Variants in IPO8 observed in about 807,000 individuals in gnomAD.
The protein encoded by IPO8 is importin 8.
Under a neutral mutation model 141.2 loss-of-function variants are expected in IPO8, and 65 were observed. The ratio of observed to expected loss-of-function variants is 0.46; its 90% CI spans 0.38 to 0.57. IPO8 has a LOEUF of 0.57. IPO8 is among the 20% of genes least tolerant of loss of function. The probability of loss-of-function intolerance (pLI) is 0.00; values close to 1 mark genes in which losing one functional copy is unlikely to be tolerated. For synonymous variants in IPO8, 411 were observed against 420.3 expected (o/e 0.98, Z 0.27); for missense variants, 980 against 1,246.8 (o/e 0.79, Z 3.22).
At chr12:30,631,047 T>C in intron 24 of IPO8, 90 bp from the exon 25 acceptor site, 1 of 856,756 alleles carries the variant, frequency 1.2e-6, no homozygotes, top group Non-Finnish European at 1.9e-6. Context: ...CCAGATTCTT[T>C]ATATGCTTAG....
intron 20 of IPO8, among the ~76,000 whole-genome samples, chr12:30,641,323 G>A (rs780681034): frequency 4.6e-5 from 7 of 152,092 alleles, no homozygotes; most frequent in Middle Eastern, 6.8e-3. Context: ...TTTTTGTTTT[G>A]TTTTTTAATG....
intron 14 of IPO8, among the ~76,000 whole-genome samples, chr12:30,662,811 A>C (rs920333879): frequency 1.3e-5 from 2 of 152,142 alleles, no homozygotes; most frequent in African/African-American, 2.4e-5. Flanking sequence ...AACATGAATC[A>C]GTTCTCATGA....
chr12:30,675,043 A>C (rs998071436), intron 6 of IPO8, among the ~76,000 whole-genome samples: 6 of 152,228 alleles, frequency 3.9e-5, no homozygotes, highest in Admixed American at 3.3e-4. Flanking sequence ...GAGATGATGA[A>C]AGGGTTCTAC....
Position 30,695,073 on chromosome 12 carries a change from CG to C in IPO8, c.84+490del, listed in dbSNP as rs2053324955. The C allele has an allele frequency of 2.2e-6, 1 of 455,090 alleles. No homozygotes were observed. Among genetic ancestry groups the C allele is most frequent in the Non-Finnish European group, 4.4e-6 (1 of 227,032 alleles). 28.2% of individuals were successfully genotyped at this position (455,090 alleles called of 1,614,324 possible). ...GCACTGCCCAGCGCTCCGCAAAACT[CG>C]GCCAATCGGTGTCAAAACAGTCCTG... On this transcript the variant is annotated intron_variant, in intron 1 of 24. Coordinates refer to ENST00000256079, the MANE Select transcript of IPO8 (RefSeq NM_006390.4). This position sits in a 1 kb window ranked among gnomAD's most constrained non-coding sequence, Gnocchi z 4.2.
chr12:30,676,917 C>T (rs1266078693), intron 5 of IPO8: 8 of 1,530,522 alleles, frequency 5.2e-6, no homozygotes, highest in Non-Finnish European at 7.0e-6. Context: ...TCAAACTTTC[C>T]ATTTTAACCA....
chr12:30,666,146 T>C (rs770428939), intron 11 of IPO8, 29 bp downstream of exon 11: 2 of 1,398,488 alleles, frequency 1.4e-6, no homozygotes, highest in Non-Finnish European at 2.0e-6. Flanking sequence ...CACCTTTCAG[T>C]TTTGGATTTA....
intron 13 of IPO8, among the ~76,000 whole-genome samples, chr12:30,663,918 A>T (rs2052924176): frequency 6.6e-6 from 1 of 152,218 alleles, no homozygotes; most frequent in Non-Finnish European, 1.5e-5. Flanking sequence ...ACAAAAATCT[A>T]TTTACGCTTT....
chr12:30,662,339 C>T lies in IPO8; in HGVS notation c.1743G>A (p.Met581Ile). The T allele has an allele frequency of 6.2e-7, 1 of 1,613,248 alleles. No individual in the cohort carries two copies. The highest frequency in any genetic ancestry group is 1.3e-5 in the African/African-American group (1 of 75,028). The change falls in exon 15 of 25, where the codon ATG (methionine) becomes ATA (isoleucine). Residue 581 changes from methionine (M) to isoleucine (I), a missense_variant. By Grantham distance (10) the Met-to-Ile change is conservative (BLOSUM62 1). Coordinates refer to ENST00000256079, the MANE Select transcript of IPO8 (RefSeq NM_006390.4). ...SQEVASIAVDMTQHLAEIFGK... is the reference protein window; with the variant it reads ...SQEVASIAVDITQHLAEIFGK... ...TGCCCGGTCTTACCAAGTGTTGGGT[C>T]ATATCAACAGCAATTGAGGCTACCT...
At chr12:30,633,813 T>C (rs2052465564) in intron 23 of IPO8, among the ~76,000 whole-genome samples, 1 of 152,220 alleles carries the variant, frequency 6.6e-6, no homozygotes, top group African/African-American at 2.4e-5. Context: ...TATACACAGA[T>C]ACTCCACATA....
chr12:30,667,861 A>G (rs1302771289), intron 10 of IPO8, among the ~76,000 whole-genome samples: 5 of 152,200 alleles, frequency 3.3e-5, no homozygotes, highest in Non-Finnish European at 7.3e-5. Context: ...ACAAAAACAC[A>G]TAGGTATTAT....
At chr12:30,662,561 A>T in intron 14 of IPO8, 74 bp from the exon 15 acceptor site, 2 of 1,164,474 alleles carry the variant, frequency 1.7e-6, no homozygotes, top group Non-Finnish European at 2.5e-6. Flanking sequence ...CTTGGTCACA[A>T]GGTCAAGTGA....
intron 16 of IPO8, 65 bp from the exon 17 acceptor site, chr12:30,656,815 G>T: frequency 1.3e-6 from 1 of 763,252 alleles, no homozygotes; most frequent in Non-Finnish European, 2.0e-6. Context: ...TTAATATTGT[G>T]CCAATAAAAA....
intron 16 of IPO8, among the ~76,000 whole-genome samples, chr12:30,656,987 A>G (rs943460931): frequency 1.3e-5 from 2 of 152,158 alleles, no homozygotes; most frequent in African/African-American, 4.8e-5. Flanking sequence ...ATTTTATACC[A>G]AAATAAATTC....
chr12:30,665,511 C>T lies in IPO8; in HGVS notation c.1339-202G>A, dbSNP rs562727986. Among the ~76,000 whole-genome samples the T allele has an allele frequency of 2.5e-4, 38 of 152,262 alleles. No homozygotes were observed. The South Asian group carries it at 7.5e-3, about 30-fold the overall frequency. On this transcript the variant is annotated intron_variant, in intron 12 of 24. Coordinates refer to ENST00000256079, the MANE Select transcript of IPO8 (RefSeq NM_006390.4). ...TGATTGATTTTGTAGACATAAGATA[C>T]TTTGTATCCCTTTCACATATCAATA...
chr12:30,650,348 T>C lies in IPO8; in HGVS notation c.2173-1116A>G, dbSNP rs112112015. 6.2e-3 allele frequency among the ~76,000 whole-genome samples: 949 copies of C among 152,148 alleles called. 10 individuals carry two copies. Among genetic ancestry groups the C allele is most frequent in the African/African-American group, 0.022 (917 of 41,540 alleles). On this transcript the variant is annotated intron_variant, in intron 19 of 24. Coordinates refer to ENST00000256079, the MANE Select transcript of IPO8 (RefSeq NM_006390.4). ...CAGAGAAATTTTAAAGATGTACATA[T>C]ACAAAGACAGAAAAAAGTAGAGAGA...
Position 30,695,434 on chromosome 12 carries a change from G to T in IPO8, c.84+130C>A. 3 of 717,482 alleles carry T rather than the reference G, an allele frequency of 4.2e-6. No homozygotes were observed. The highest frequency in any genetic ancestry group is 2.7e-5 in the Admixed American group (1 of 36,906). The allele number at this position is 717,482 out of a possible 1,614,324, so 44.4% of individuals were successfully genotyped here. A position where few individuals can be genotyped will look rare whatever the true frequency, so the allele number is the denominator to read the frequency against. ...CCGGGGGGCAGCGGGGTCGGAGAGC[G>T]GGACCAGCCGTGAGGCGTCAGCCCC... On this transcript the variant is annotated intron_variant, in intron 1 of 24. Transcript: ENST00000256079. This position sits in a 1 kb window ranked among gnomAD's most constrained non-coding sequence, Gnocchi z 4.2.
At chr12:30,644,018 A>G (rs1359271379) in intron 20 of IPO8, among the ~76,000 whole-genome samples, 6 of 152,014 alleles carry the variant, frequency 3.9e-5, no homozygotes, top group Non-Finnish European at 5.9e-5. Flanking sequence ...ATTTATTTTC[A>G]CCTCCACTAT....
At chr12:30,650,072 A>T (rs76074977) in intron 19 of IPO8, among the ~76,000 whole-genome samples, 1 of 151,998 alleles carries the variant, frequency 6.6e-6, no homozygotes, top group South Asian at 2.1e-4. Context: ...AGCTTTTTAT[A>T]TAAGTTATTT....
At chr12:30,638,954 A>C (rs1280538135) in intron 21 of IPO8, among the ~76,000 whole-genome samples, 1 of 152,010 alleles carries the variant, frequency 6.6e-6, no homozygotes, top group Non-Finnish European at 1.5e-5. Context: ...TACAGATGGG[A>C]GCCACCGCGC....
Sources: gnomAD v4.1 joint callset for allele counts (sites outside exome capture counted in the v4.1 genomes callset) on GRCh38, gnomAD v4.1.1 for gene constraint, Gnocchi (gnomAD v3.1) non-coding constraint, MANE v1.5 for transcripts, NCBI Gene and HGNC (gene_info 2026-07-23, HGNC 2026-07-21) for gene names.